MYO9B: variants seen among roughly 807,000 people sequenced by gnomAD.
The protein encoded by MYO9B is myosin IXB.
A neutral mutation model predicts 229.5 loss-of-function variants in MYO9B; 71 were observed. The observed-to-expected ratio is 0.31, with a 90% confidence interval of 0.26 to 0.38. The LOEUF (loss-of-function observed/expected upper bound fraction) is 0.38, where lower values mean the gene tolerates loss of function less well. Ranked by LOEUF, MYO9B falls within the 10% of genes least tolerant of loss-of-function variation. MYO9B has a pLI of 1.00. For missense variants in MYO9B, 2,255 were observed against 2,920.5 expected, an observed-to-expected ratio of 0.77 and a Z score of 5.25; for synonymous variants, 1,185 against 1,235.8, an observed-to-expected ratio of 0.96 and a Z score of 0.86.
intron 2 of MYO9B, among the ~76,000 whole-genome samples, chr19:17,120,653 AAAAAAAAAAGAT>A (rs1195657688): frequency 2.6e-5 from 4 of 151,746 alleles, no homozygotes; most frequent in African/African-American, 9.7e-5. Flanking sequence ...AAAAAAAAAA[AAAAAAAAAAGAT>A]AGATAGATAG....
intron 33 of MYO9B, 68 bp downstream of exon 33, chr19:17,206,444 G>A (rs760481474): frequency 1.5e-5 from 24 of 1,561,882 alleles, no homozygotes; most frequent in Non-Finnish European, 2.1e-5. Context: ...GCTGTGACCA[G>A]CCCAGGAGGC....
At chr19:17,097,101 C>A (rs112853011) in intron 1 of MYO9B, among the ~76,000 whole-genome samples, 2 of 151,580 alleles carry the variant, frequency 1.3e-5, no homozygotes, top group Non-Finnish European at 1.5e-5. Context: ...GTCAGGAGTT[C>A]GAGACCAGCC....
chr19:17,112,103 C>G (rs2057852868), intron 2 of MYO9B, among the ~76,000 whole-genome samples: 1 of 152,118 alleles, frequency 6.6e-6, no homozygotes, highest in South Asian at 2.1e-4. Context: ...GACCCCTGCC[C>G]CAGCCAGGCC....
chr19:17,173,323 GTCTC>G (rs3837924), intron 13 of MYO9B, among the ~76,000 whole-genome samples: 14 of 139,086 alleles, frequency 1.0e-4, no homozygotes, highest in South Asian at 9.2e-4. Context: ...TAGAGACAGG[GTCTC>G]TCTCTCTCTC....
chr19:17,154,365 G>A lies in MYO9B; in HGVS notation c.1149G>A (p.Arg383=). 1 of 1,613,358 alleles carries A rather than the reference G, an allele frequency of 6.2e-7. No homozygotes were observed. Among genetic ancestry groups the A allele is most frequent in the Non-Finnish European group, 8.5e-7 (1 of 1,179,444 alleles). The change falls in exon 6 of 40, where the codon AGG becomes AGA. Residue 383 remains arginine, a synonymous_variant. Transcript: ENST00000682292. ...DGEDLKHDFE[R]LKQAMEMVGF... is the part of the protein sequence containing the mutation. ...AGGACCTGAAGCATGACTTTGAGAG[G>A]CTCAAGCAGGCCATGGAGATGGTGG...
chr19:17,124,337 A>C (rs917602851), intron 2 of MYO9B, among the ~76,000 whole-genome samples: 3 of 152,198 alleles, frequency 2.0e-5, no homozygotes, highest in African/African-American at 7.2e-5. Flanking sequence ...TACAAATAAA[A>C]ATCATTCCTA....
chr19:17,205,575 G>A (rs1311747283), intron 31 of MYO9B, among the ~76,000 whole-genome samples: 1 of 152,206 alleles, frequency 6.6e-6, no homozygotes, highest in African/African-American at 2.4e-5. Flanking sequence ...GCTCATCCTT[G>A]CTCCTGAGAG....
In MYO9B at chr19:17,115,424, G is replaced by A. The variant is rs188601819; in HGVS notation, c.840+12867G>A. Among the ~76,000 whole-genome samples, 198 of 149,356 alleles carry A rather than the reference G, an allele frequency of 1.3e-3. 2 individuals carry two copies. Among genetic ancestry groups the A allele is most frequent in the Admixed American group, 0.011 (164 of 14,950 alleles). On this transcript the variant is annotated intron_variant, in intron 2 of 39. Transcript: ENST00000682292. The stretch of plus-strand genomic sequence containing the variant: ...TCTACCCCAGTACATCCACCGCTTC[G>A]TAGAATGTTCCAGAACCCCATAAAG...
Position 17,195,792 on chromosome 19 carries a change from T to C in MYO9B, c.4046+319T>C, listed in dbSNP as rs2073036243. Among the ~76,000 whole-genome samples the C allele has an allele frequency of 6.6e-6, 1 of 152,058 alleles. No homozygotes were observed. The highest frequency in any genetic ancestry group is 1.5e-5 in the Non-Finnish European group (1 of 68,010). ...AGAAATCTTGGGCCTTGGTTTCTAATTGGTGAACAGGACTAACTGCACTCC... is the reference window on the plus strand; with the variant it reads ...AGAAATCTTGGGCCTTGGTTTCTAACTGGTGAACAGGACTAACTGCACTCC... On this transcript the variant is annotated intron_variant, in intron 22 of 39. Transcript: ENST00000682292. This position sits in a 1 kb window ranked among gnomAD's most constrained non-coding sequence, Gnocchi z 4.5.
chr19:17,101,578 TC>T lies in MYO9B; in HGVS notation c.-58-81del. The T allele has an allele frequency of 1.5e-6, 2 of 1,334,452 alleles. No individual in the cohort carries two copies. Among genetic ancestry groups the T allele is most frequent in the Non-Finnish European group, 2.0e-6 (2 of 1,009,310 alleles). The allele number at this position is 1,334,452 out of a possible 1,614,324, so 82.7% of individuals were successfully genotyped here. ...AACTCCAGCATCGGGTCAGGTGCTA[TC>T]TGCCCAGGAGTGGGACTCCACATGC... is the stretch of plus-strand genomic sequence containing the variant. On this transcript the variant is annotated intron_variant, in intron 1 of 39. Transcript: ENST00000682292. The surrounding 1 kb of genome is among the most constrained non-coding windows in gnomAD (Gnocchi z 4.7).
chr19:17,151,367 C>A (rs1445046463), intron 3 of MYO9B, among the ~76,000 whole-genome samples: 1 of 151,956 alleles, frequency 6.6e-6, no homozygotes, highest in East Asian at 1.9e-4. Flanking sequence ...GTATCACAGA[C>A]CCCTGTGCTT....
chr19:17,176,027 TTTTG>T (rs1006458166), intron 14 of MYO9B, among the ~76,000 whole-genome samples: 2 of 150,840 alleles, frequency 1.3e-5, no homozygotes, highest in Non-Finnish European at 3.0e-5. Context: ...TTTTGTTGGT[TTTTG>T]TTTGTTTGTT....
At chr19:17,152,596 A>G (rs1179798180) in intron 3 of MYO9B, 48 bp from the exon 4 acceptor site, 1 of 1,523,672 alleles carries the variant, frequency 6.6e-7, no homozygotes, top group South Asian at 1.2e-5. Flanking sequence ...TATTAACACA[A>G]TACTAAAATG....
In MYO9B at chr19:17,181,044, A is replaced by G; in HGVS notation, c.2333+4A>G. ...AGAAACCCCGCGCCTTCATCCTGTG[A>G]GTCCCCCACCAAGGCCCTGCTTACA... On this transcript the variant is annotated splice_donor_region_variant and intron_variant, in intron 15 of 39. Transcript: ENST00000682292. The G allele has an allele frequency of 6.3e-7, 1 of 1,597,170 alleles. No individual in the cohort carries two copies. The highest frequency in any genetic ancestry group is 8.6e-7 in the Non-Finnish European group (1 of 1,168,236).
chr19:17,086,723 T>G (rs1369268966), intron 1 of MYO9B, among the ~76,000 whole-genome samples: 1 of 151,950 alleles, frequency 6.6e-6, no homozygotes, highest in Non-Finnish European at 1.5e-5. Context: ...CTACTAAAAA[T>G]ACAAAAATTA....
intron 2 of MYO9B, among the ~76,000 whole-genome samples, chr19:17,135,495 C>G (rs1432670330): frequency 1.3e-5 from 2 of 152,080 alleles, no homozygotes; most frequent in Admixed American, 6.6e-5. Context: ...TGAGACCGTG[C>G]GAGCCCCCGG....
At chr19:17,210,569 C>T in intron 37 of MYO9B, 146 bp from the exon 38 acceptor site, 1 of 1,265,250 alleles carries the variant, frequency 7.9e-7, no homozygotes, top group Non-Finnish European at 1.1e-6. Flanking sequence ...ATGACCACCA[C>T]TCTGTCCCAT....
chr19:17,140,797 T>G (rs1217264922), intron 2 of MYO9B, among the ~76,000 whole-genome samples: 1 of 147,304 alleles, frequency 6.8e-6, no homozygotes, highest in East Asian at 2.2e-4. Flanking sequence ...CAGGGTTAGA[T>G]TTCAACATAT....
intron 2 of MYO9B, among the ~76,000 whole-genome samples, chr19:17,127,940 A>G (rs1315778331): frequency 6.6e-6 from 1 of 152,210 alleles, no homozygotes; most frequent in Non-Finnish European, 1.5e-5. Context: ...GATTTTTCCA[A>G]AACCTTACCT....
Sources: gnomAD v4.1 joint callset for allele counts (sites outside exome capture counted in the v4.1 genomes callset) on GRCh38, gnomAD v4.1.1 for gene constraint, Gnocchi (gnomAD v3.1) non-coding constraint, MANE v1.5 for transcripts, NCBI Gene and HGNC (gene_info 2026-07-23, HGNC 2026-07-21) for gene names.